The following APP variants were observed in gnomAD, a reference collection of about 807,000 sequenced individuals.
The protein encoded by APP is amyloid-beta precursor protein.
APP carries 31 observed loss-of-function variants against 101.4 expected under a neutral mutation model. The observed-to-expected ratio is 0.31, with a 90% CI of 0.23 to 0.41. The LOEUF (loss-of-function observed/expected upper bound fraction) is 0.41. APP is among the 10% of genes least tolerant of loss of function. The probability of loss-of-function intolerance (pLI) is 1.00; values close to 1 mark genes in which losing one functional copy is unlikely to be tolerated. For missense variants in APP, 839 were observed against 1,003.7 expected (o/e 0.84, Z 2.22); for synonymous variants, 366 against 364.4 (o/e 1.00, Z -0.05).
intron 3 of APP, among the ~76,000 whole-genome samples, chr21:26,080,663 C>T (rs59177278): frequency 0.049 from 7,426 of 151,042 alleles, 263 homozygotes; most frequent in East Asian, 0.096. Flanking sequence ...CCCAGCTACT[C>T]GGTAGGCTGA....
At chr21:25,970,599 T>C (rs1308145019) in intron 11 of APP, among the ~76,000 whole-genome samples, 2 of 152,182 alleles carry the variant, frequency 1.3e-5, no homozygotes, top group African/African-American at 2.4e-5. Context: ...CTTGCTAAGA[T>C]AGAGAATTTT....
intron 11 of APP, among the ~76,000 whole-genome samples, chr21:25,963,955 T>A (rs946546503): frequency 6.6e-6 from 1 of 152,180 alleles, no homozygotes; most frequent in East Asian, 1.9e-4. Flanking sequence ...ACAGAAGTCT[T>A]GAATGAAGCA....
chr21:25,973,166 A>C (rs1395743552), intron 11 of APP, among the ~76,000 whole-genome samples: 2 of 151,174 alleles, frequency 1.3e-5, no homozygotes, highest in East Asian at 3.9e-4. Flanking sequence ...AATTAATCCA[A>C]AAAAAAAAGA....
chr21:26,085,624 T>C (rs1008780738), intron 3 of APP, among the ~76,000 whole-genome samples: 3 of 152,210 alleles, frequency 2.0e-5, no homozygotes, highest in Non-Finnish European at 4.4e-5. Flanking sequence ...TTTCTGACTA[T>C]TGTGTTGTAC....
At chr21:26,025,715 T>C (rs1292388606) in intron 5 of APP, among the ~76,000 whole-genome samples, 3 of 152,218 alleles carry the variant, frequency 2.0e-5, no homozygotes, top group Non-Finnish European at 4.4e-5. Flanking sequence ...GCCTGAGCAA[T>C]TTACTGGCAT....
chr21:26,008,055 AG>A (rs2043615375), intron 6 of APP, among the ~76,000 whole-genome samples: 1 of 23,926 alleles, frequency 4.2e-5, no homozygotes, highest in African/African-American at 1.8e-4. Context: ...GCACTGCTTC[AG>A]TACAAGAGGA....
chr21:25,887,210 A>G (rs1433017691), intron 17 of APP, among the ~76,000 whole-genome samples: 1 of 152,208 alleles, frequency 6.6e-6, no homozygotes, highest in Non-Finnish European at 1.5e-5. Flanking sequence ...GTGTCTATGT[A>G]TGTGAATGTA....
chr21:25,915,803 CCTTTTCT>C (rs1445777682), intron 13 of APP, among the ~76,000 whole-genome samples: 1 of 152,140 alleles, frequency 6.6e-6, no homozygotes, highest in African/African-American at 2.4e-5. Flanking sequence ...GCTGTAGTAC[CCTTTTCT>C]CTTTTCTCTG....
intron 2 of APP, among the ~76,000 whole-genome samples, chr21:26,093,826 T>C (rs774629067): frequency 3.3e-5 from 5 of 152,064 alleles, no homozygotes; most frequent in African/African-American, 7.2e-5. Flanking sequence ...ATTACAAAAT[T>C]TGAACCAGGC....
intron 3 of APP, among the ~76,000 whole-genome samples, chr21:26,081,396 G>T: frequency 6.6e-6 from 1 of 151,318 alleles, no homozygotes; most frequent in East Asian, 2.0e-4. Flanking sequence ...TTGTTCTCTG[G>T]GGGGCAGGGG....
intron 1 of APP, among the ~76,000 whole-genome samples, chr21:26,147,888 C>T (rs559800168): frequency 4.8e-4 from 72 of 150,428 alleles, no homozygotes; most frequent in Non-Finnish European, 9.3e-4. Flanking sequence ...CCTCCCAAAA[C>T]AGACTATTCC....
At chr21:26,052,304 T>C (rs994939840) in intron 4 of APP, among the ~76,000 whole-genome samples, 1 of 152,182 alleles carries the variant, frequency 6.6e-6, no homozygotes, top group African/African-American at 2.4e-5. Context: ...CTCTGGGCAC[T>C]ATCAGATGCC....
chr21:26,105,068 C>CAAAAAA (rs10579923), intron 2 of APP, among the ~76,000 whole-genome samples: 44 of 110,400 alleles, frequency 4.0e-4, no homozygotes, highest in African/African-American at 7.1e-4. Context: ...GCATTTTTTT[C>CAAAAAA]AAAAAAAAAA....
rs760838173 is a variant in APP at position 25,891,829 on chromosome 21, T to C, written c.2104A>G (p.Ile702Val). 4.3e-6 allele frequency: 7 copies of C among 1,614,008 alleles called. No homozygotes were observed. The highest frequency in any genetic ancestry group is 5.9e-6 in the Non-Finnish European group (7 of 1,180,018). The change falls in exon 17 of 18, where the codon ATC becomes GTC. Residue 702 changes from isoleucine (I) to valine (V), a missense_variant. Coordinates refer to ENST00000346798, the MANE Select transcript of APP (RefSeq NM_000484.4). ...ACACCGCCCACCATGAGTCCAATGATTGCACCTTTGTTTGAACCCACATCT... is the reference window on the plus strand; with the variant it reads ...ACACCGCCCACCATGAGTCCAATGACTGCACCTTTGTTTGAACCCACATCT... ...AEDVGSNKGA[I>V]IGLMVGGVVI...
At chr21:26,072,177 T>C (rs575185205) in intron 3 of APP, among the ~76,000 whole-genome samples, 8 of 152,316 alleles carry the variant, frequency 5.3e-5, no homozygotes, top group African/African-American at 1.9e-4. Context: ...TTTATAACAG[T>C]TCTCACGTGC....
Position 26,021,882 on chromosome 21 carries a change from T to A in APP, c.823A>T (p.Thr275Ser). Residue 275 changes from threonine to serine, a missense_variant, in exon 6 of 18, where the codon ACC becomes TCC. Physicochemically the swap from Thr to Ser is moderately conservative, Grantham distance 58 (BLOSUM62 1). Coordinates refer to ENST00000346798, the MANE Select transcript of APP (RefSeq NM_000484.4). ...ACAGACTCTGTGGTGGTGGTGGTGG[T>A]GGTGGCAATGCTGGTGGTTCTCTCT... is the stretch of plus-strand genomic sequence containing the variant. The part of the protein sequence containing the change: ...ATERTTSIAT[T>S]TTTTTESVEE... 1.2e-6 allele frequency: 2 copies of A among 1,613,760 alleles called. No homozygotes were observed. The highest frequency in any genetic ancestry group is 1.7e-6 in the Non-Finnish European group (2 of 1,179,906).
intron 3 of APP, among the ~76,000 whole-genome samples, chr21:26,053,938 T>C (rs1214764257): frequency 6.6e-6 from 1 of 152,230 alleles, no homozygotes; most frequent in Non-Finnish European, 1.5e-5. Flanking sequence ...ATGTATATTA[T>C]GCAAATTATT....
At chr21:26,142,215 A>T (rs2063061476) in intron 1 of APP, among the ~76,000 whole-genome samples, 1 of 152,112 alleles carries the variant, frequency 6.6e-6, no homozygotes, top group African/African-American at 2.4e-5. Flanking sequence ...AGCTTAGCAC[A>T]ATGCGTCCTG....
At chr21:25,956,570 T>G (rs2041331083) in intron 11 of APP, among the ~76,000 whole-genome samples, 1 of 152,204 alleles carries the variant, frequency 6.6e-6, no homozygotes. Context: ...TTCTTCTTCA[T>G]TAAAACAAAC....
Sources: gnomAD v4.1 joint callset for allele counts (sites outside exome capture counted in the v4.1 genomes callset) on GRCh38, gnomAD v4.1.1 for gene constraint, MANE v1.5 for transcripts, NCBI Gene and HGNC (gene_info 2026-07-23, HGNC 2026-07-21) for gene names.